ARHGAP32: variants seen among roughly 807,000 people sequenced by gnomAD.
The protein encoded by ARHGAP32 is Rho GTPase activating protein 32.
In ARHGAP32, 51 loss-of-function variants were observed where a neutral mutation model predicts 186.5. The ratio of observed to expected loss-of-function variants is 0.27; its 90% confidence interval spans 0.22 to 0.35. The LOEUF (loss-of-function observed/expected upper bound fraction) is 0.35. Among genes scored for constraint, ARHGAP32 ranks in the 10% least tolerant of loss-of-function variants. The probability of loss-of-function intolerance (pLI) is 1.00; values close to 1 mark genes in which losing one functional copy is unlikely to be tolerated. For missense variants in ARHGAP32, 2,186 were observed against 2,623.5 expected, an observed-to-expected ratio of 0.83 and a Z score of 3.64; for synonymous variants, 950 against 964.3, an observed-to-expected ratio of 0.99 and a Z score of 0.27.
rs768065447 is a variant in ARHGAP32, at chr11:128,971,113, G to C, written c.4100C>G (p.Ala1367Gly). ...PVPERPPEPR[A>G]MDDPASAFIS... is the part of the protein sequence containing the mutation. ...GAAGGCAGACGCAGGGTCATCCATG[G>C]CTCGAGGTTCAGGTGGCCTCTCTGG... Residue 1367 changes from alanine (A) to glycine (G), a missense_variant, in exon 23 of 23, where the codon GCC becomes GGC. Ala to Gly is a moderately conservative substitution (Grantham distance 60). Around this residue, in one of 5 missense-constraint regions of ARHGAP32, gnomAD observed 1,502 missense variants for 1,570.0 expected, o/e 0.96. Transcript: ENST00000682385. The C allele has an allele frequency of 6.2e-6, 10 of 1,613,972 alleles. No individual in the cohort carries two copies. The highest frequency in any genetic ancestry group is 1.3e-5 in the African/African-American group (1 of 74,918).
Position 128,974,869 on chromosome 11 carries a change from C to T in ARHGAP32, c.2328G>A (p.Glu776=), listed in dbSNP as rs929045770. ...CTGGGATATGAAGCAGCCCTCCTTC[C>T]TCCTCACTCTCATTGTCATGAGGCA... ...DNLPHDNESE[E]EGGLLHIPAL... The change falls in exon 21 of 23, where the codon GAG becomes GAA. Residue 776 remains glutamate, a synonymous_variant. Coordinates refer to ENST00000682385, the MANE Select transcript of ARHGAP32 (RefSeq NM_001378024.1). 6.2e-7 allele frequency: 1 copy of T among 1,614,188 alleles called. No homozygotes were observed. Among genetic ancestry groups the T allele is most frequent in the South Asian group, 1.1e-5 (1 of 91,072 alleles).
At chr11:128,984,707 GGTAA>G (rs1351570512) in intron 15 of ARHGAP32, among the ~76,000 whole-genome samples, 6 of 151,992 alleles carry the variant, frequency 3.9e-5, no homozygotes, top group African/African-American at 1.4e-4. Context: ...GGGCATACAT[GGTAA>G]GTAATATAAT....
intron 12 of ARHGAP32, among the ~76,000 whole-genome samples, chr11:128,990,343 A>G (rs1316708609): frequency 6.6e-6 from 1 of 152,216 alleles, no homozygotes; most frequent in Admixed American, 6.5e-5. Flanking sequence ...GGGCTCTTCA[A>G]GAGCAAAACC....
At position 128,966,229 on chromosome 11, in the gene ARHGAP32, T is replaced by C. The variant is rs904583488; in HGVS notation, c.*2678A>G. The C allele has an allele frequency of 1.3e-5, 2 of 152,220 alleles. No homozygotes were observed. The highest frequency in any genetic ancestry group is 4.8e-5 in the African/African-American group (2 of 41,462). 9.4% of individuals were successfully genotyped at this position (152,220 alleles called of 1,614,324 possible). ...AGGATTAAATCACGGGTTTAATGTATAAGGCAGCTCCATTTCCTTGATCAT... is the reference window on the plus strand; with the variant it reads ...AGGATTAAATCACGGGTTTAATGTACAAGGCAGCTCCATTTCCTTGATCAT... On this transcript the variant is annotated 3_prime_UTR_variant, in exon 23 of 23. Coordinates refer to ENST00000682385, the MANE Select transcript of ARHGAP32 (RefSeq NM_001378024.1).
intron 11 of ARHGAP32, among the ~76,000 whole-genome samples, chr11:129,007,076 G>A (rs1937815349): frequency 2.0e-5 from 3 of 152,078 alleles, no homozygotes; most frequent in African/African-American, 4.8e-5. Flanking sequence ...AAAGGCTCTT[G>A]TCAGCTTGTG....
intron 1 of ARHGAP32, among the ~76,000 whole-genome samples, chr11:129,229,842 G>A (rs1944834572): frequency 1.3e-5 from 2 of 152,022 alleles, no homozygotes; most frequent in African/African-American, 4.8e-5. Context: ...GGGGGTGGGA[G>A]GCAGGGTCTC....
chr11:129,093,897 T>C (rs1449037739), intron 5 of ARHGAP32, among the ~76,000 whole-genome samples, 190 bp from the exon 6 acceptor site: 1 of 152,166 alleles, frequency 6.6e-6, no homozygotes, highest in African/African-American at 2.4e-5. Flanking sequence ...ATAAAATATA[T>C]ATCTGTATCT....
At chr11:129,015,373 T>C (rs1031062790) in intron 11 of ARHGAP32, among the ~76,000 whole-genome samples, 2 of 152,194 alleles carry the variant, frequency 1.3e-5, no homozygotes, top group African/African-American at 4.8e-5. Flanking sequence ...TTTTTAAAAA[T>C]TGCTCAATAC....
chr11:129,215,073 TAAC>T (rs531296218), intron 1 of ARHGAP32, among the ~76,000 whole-genome samples: 98 of 152,166 alleles, frequency 6.4e-4, no homozygotes, highest in Non-Finnish European at 1.1e-3. Context: ...ACTCAGGTGT[TAAC>T]AACTTTCTCT....
intron 1 of ARHGAP32, among the ~76,000 whole-genome samples, chr11:129,164,937 A>G (rs1239261261): frequency 6.6e-6 from 1 of 152,218 alleles, no homozygotes; most frequent in Non-Finnish European, 1.5e-5. Context: ...GAAAGCAACC[A>G]ATACAGATGG....
At chr11:129,028,883 C>A (rs1319034343) in intron 11 of ARHGAP32, among the ~76,000 whole-genome samples, 3 of 151,856 alleles carry the variant, frequency 2.0e-5, no homozygotes, top group African/African-American at 7.3e-5. Flanking sequence ...ACAGCAGGAG[C>A]AAAGTGAAAG....
At chr11:129,194,392 G>A (rs1005391892), upstream of ARHGAP32, among the ~76,000 whole-genome samples, 1 of 152,120 alleles carries the variant, frequency 6.6e-6, no homozygotes, top group Admixed American at 6.5e-5. Flanking sequence ...CCCATAGAAT[G>A]GAATGCTACA....
intron 1 of ARHGAP32, among the ~76,000 whole-genome samples, chr11:129,174,472 C>T (rs1424021168): frequency 1.3e-5 from 2 of 152,232 alleles, no homozygotes; most frequent in African/African-American, 2.4e-5. Context: ...CCTCTGTAGG[C>T]TCCACCTCTG....
chr11:129,014,636 T>C (rs1938242887), intron 11 of ARHGAP32, among the ~76,000 whole-genome samples: 1 of 152,194 alleles, frequency 6.6e-6, no homozygotes, highest in African/African-American at 2.4e-5. Flanking sequence ...TAGAATGTAG[T>C]AGTGGGAATA....
chr11:128,969,778 G>C lies in ARHGAP32; in HGVS notation c.5435C>G (p.Pro1812Arg), dbSNP rs749331247. ...CACTGAGAGAAGTCCAGTTTTCCCAGGATCTGATTTACTACGCAGATGGAT... is the reference window on the plus strand; with the variant it reads ...CACTGAGAGAAGTCCAGTTTTCCCACGATCTGATTTACTACGCAGATGGAT... Reference protein sequence around the residue: ...YVIHLRSKSDPGKTGLLSVAE... With the variant: ...YVIHLRSKSDRGKTGLLSVAE... The change falls in exon 23 of 23, where the codon CCT becomes CGT. Residue 1812 changes from proline (P) to arginine (R), a missense_variant. By Grantham distance (103) the Pro-to-Arg change is moderately radical. Transcript: ENST00000682385. The surrounding 1 kb of genome is among the most constrained non-coding windows in gnomAD (Gnocchi z 4.8). 1 of 1,614,164 alleles carries C rather than the reference G, an allele frequency of 6.2e-7. No homozygotes were observed. Among genetic ancestry groups the C allele is most frequent in the Admixed American group, 1.7e-5 (1 of 60,024 alleles).
intron 8 of ARHGAP32, 105 bp from the exon 9 acceptor site, chr11:129,064,129 A>G (rs667369): frequency 1.6e-5 from 16 of 981,630 alleles, no homozygotes; most frequent in Admixed American, 5.9e-5. Flanking sequence ...ACAATAACCC[A>G]AAGAGTCTTA....
chr11:129,257,868 C>A (rs1393458856), intron 1 of ARHGAP32, among the ~76,000 whole-genome samples: 1 of 152,172 alleles, frequency 6.6e-6, no homozygotes, highest in East Asian at 1.9e-4. Flanking sequence ...TTCATAAAAT[C>A]AAGTAATGTG....
chr11:129,004,628 T>C (rs1299988718), intron 11 of ARHGAP32, among the ~76,000 whole-genome samples: 2 of 152,172 alleles, frequency 1.3e-5, no homozygotes. Context: ...GTGACATTCT[T>C]TGTCTCTTCT....
At chr11:129,126,974 T>C (rs902637927) in intron 2 of ARHGAP32, among the ~76,000 whole-genome samples, 5 of 152,354 alleles carry the variant, frequency 3.3e-5, no homozygotes, top group African/African-American at 7.2e-5. Context: ...CACTACTCTG[T>C]ATTGTTCATA....
Sources: gnomAD v4.1 joint callset for allele counts (sites outside exome capture counted in the v4.1 genomes callset) on GRCh38, gnomAD v4.1.1 for gene constraint, gnomAD v4.1.1 regional missense constraint, Gnocchi (gnomAD v3.1) non-coding constraint, MANE v1.5 for transcripts, NCBI Gene and HGNC (gene_info 2026-07-23, HGNC 2026-07-21) for gene names.